Variants in TOMM40 observed in about 807,000 individuals in gnomAD.
TOMM40 encodes the protein mitochondrial import receptor subunit TOM40 homolog.
Under a neutral mutation model 38.4 loss-of-function variants are expected in TOMM40, and 9 were observed. The ratio of observed to expected loss-of-function variants is 0.23; its 90% CI spans 0.14 to 0.41. The LOEUF is 0.41. Ranked by LOEUF, TOMM40 falls within the 10% of genes least tolerant of loss-of-function variation. The pLI, the probability that TOMM40 is intolerant of heterozygous loss-of-function variation, is 1.00. For missense variants in TOMM40, 299 were observed against 486.5 expected (o/e 0.61, Z 3.63); for synonymous variants, 184 against 210.0 (o/e 0.88, Z 1.07).
intron 5 of TOMM40, 93 bp from the exon 6 acceptor site, chr19:44,900,637 C>T: frequency 6.2e-7 from 1 of 1,603,374 alleles, no homozygotes; most frequent in Non-Finnish European, 8.5e-7. Flanking sequence ...CAAGCCCAAG[C>T]CTCCAGCCGG....
At chr19:44,897,565 G>T (rs1969589562) in intron 5 of TOMM40, among the ~76,000 whole-genome samples, 1 of 152,032 alleles carries the variant, frequency 6.6e-6, no homozygotes, top group Non-Finnish European at 1.5e-5. Flanking sequence ...TGATTCTCCT[G>T]TCTCAGCCTC....
At chr19:44,899,212 T>C (rs1401664058) in intron 5 of TOMM40, among the ~76,000 whole-genome samples, 1 of 151,950 alleles carries the variant, frequency 6.6e-6, no homozygotes, top group East Asian at 1.9e-4. Flanking sequence ...AGTGGCGTGA[T>C]CATAGCTCAG....
Position 44,891,263 on chromosome 19 carries a change from G to A in TOMM40, c.-153G>A. On this transcript the variant is annotated 5_prime_UTR_variant, in exon 1 of 9. It adds an upstream start codon to the 5' untranslated region. Transcript: ENST00000426677. The stretch of plus-strand genomic sequence containing the variant: ...GCGGCGGCAGCGGGTTCGGTTGCGC[G>A]TGGCGCACGGGGTGGGAGCGGAGCC... 1 of 1,114,200 alleles carries A rather than the reference G, an allele frequency of 9.0e-7. No individual in the cohort carries two copies. The highest frequency in any genetic ancestry group is 1.1e-6 in the Non-Finnish European group (1 of 888,494). The allele number at this position is 1,114,200 out of a possible 1,614,324, so 69.0% of individuals were successfully genotyped here. A position where few individuals can be genotyped will look rare whatever the true frequency, so the allele number is the denominator to read the frequency against.
At chr19:44,893,706 T>G in intron 3 of TOMM40, 74 bp from the exon 4 acceptor site, 4 of 1,297,208 alleles carry the variant, frequency 3.1e-6, no homozygotes, top group Non-Finnish European at 3.2e-6. Context: ...GACCCTAGGC[T>G]TCTCACCCCG....
Position 44,903,270 on chromosome 19 carries a change from C to A in TOMM40, c.*101C>A, listed in dbSNP as rs1350543687. 1.6e-6 allele frequency: 2 copies of A among 1,275,102 alleles called. No individual in the cohort carries two copies. Among genetic ancestry groups the A allele is most frequent in the East Asian group, 2.6e-5 (1 of 38,338 alleles). 79.0% of individuals were successfully genotyped at this position (1,275,102 alleles called of 1,614,324 possible). A position where few individuals can be genotyped will look rare whatever the true frequency, so the allele number is the denominator to read the frequency against. ...CCTGAGCCCCCCTCCCTTCCCTCCC[C>A]CCTTGGGGGTCGGGGGGGACATTGG... On this transcript the variant is annotated 3_prime_UTR_variant, in exon 9 of 9. Transcript: ENST00000426677.
intron 8 of TOMM40, 23 bp from the exon 9 acceptor site, chr19:44,903,007 C>G: frequency 6.2e-7 from 1 of 1,607,596 alleles, no homozygotes; most frequent in South Asian, 1.1e-5. Flanking sequence ...TGGCACGCCT[C>G]TCACCTCAGC....
At position 44,901,334 on chromosome 19, in the gene TOMM40, C is replaced by T. The variant is rs117163741; in HGVS notation, c.946+24C>T. 57 of 1,605,154 alleles carry T rather than the reference C, an allele frequency of 3.6e-5. No homozygotes were observed. The African/African-American group carries it at 4.3e-4, about 12-fold the overall frequency. ...AGGTAAAGGTCTCGGTTCCCCTACGCGGGAAACAGGCAGGAGGTGACTCAA... is the reference window on the plus strand; with the variant it reads ...AGGTAAAGGTCTCGGTTCCCCTACGTGGGAAACAGGCAGGAGGTGACTCAA... On this transcript the variant is annotated intron_variant, in intron 8 of 8. Transcript: ENST00000426677.
At chr19:44,894,122 G>A (rs1227168746) in intron 5 of TOMM40, 56 bp downstream of exon 5, 4 of 1,340,990 alleles carry the variant, frequency 3.0e-6, no homozygotes, top group Non-Finnish European at 4.0e-6. Context: ...GGCTTTGCCA[G>A]CAAATCCACC....
At chr19:44,900,901 T>G (rs1465109914) in intron 6 of TOMM40, 49 bp downstream of exon 6, 7 of 1,608,032 alleles carry the variant, frequency 4.4e-6, no homozygotes, top group South Asian at 1.1e-5. Context: ...GCCCCTGGAC[T>G]CCTCCTGGGT....
In TOMM40 at chr19:44,891,277, G is replaced by A. The variant is rs1969454430; in HGVS notation, c.-139G>A. The A allele has an allele frequency of 3.5e-6, 4 of 1,156,204 alleles. No individual in the cohort carries two copies. Among genetic ancestry groups the A allele is most frequent in the Non-Finnish European group, 3.2e-6 (3 of 926,294 alleles). The allele number at this position is 1,156,204 out of a possible 1,614,324, so 71.6% of individuals were successfully genotyped here. A position where few individuals can be genotyped will look rare whatever the true frequency, so the allele number is the denominator to read the frequency against. ...TTCGGTTGCGCGTGGCGCACGGGGT[G>A]GGAGCGGAGCCCAGGCCGGGAGCAG... On this transcript the variant is annotated 5_prime_UTR_variant, in exon 1 of 9. Coordinates refer to ENST00000426677, the MANE Select transcript of TOMM40 (RefSeq NM_001128917.2).
chr19:44,892,993 A>G, intron 3 of TOMM40, 64 bp downstream of exon 3: 1 of 1,400,558 alleles, frequency 7.1e-7, no homozygotes, highest in Non-Finnish European at 9.9e-7. Context: ...CCAAATGTCA[A>G]GCTAAGACGG....
In TOMM40 at chr19:44,893,947, C is replaced by T. The variant is rs541036852; in HGVS notation, c.538-14C>T. The T allele has an allele frequency of 6.3e-6, 10 of 1,590,814 alleles. No individual in the cohort carries two copies. The highest frequency in any genetic ancestry group is 1.7e-5 in the Admixed American group (1 of 58,352). The stretch of plus-strand genomic sequence containing the variant: ...TGAGCAGGGAGCCGCCCTCACACCC[C>T]CTCCTCTCCACAGACCCAGCAGTCG... On this transcript the variant is annotated splice_polypyrimidine_tract_variant and intron_variant, in intron 4 of 8. Coordinates refer to ENST00000426677, the MANE Select transcript of TOMM40 (RefSeq NM_001128917.2).
chr19:44,898,967 C>T (rs952824887), intron 5 of TOMM40, among the ~76,000 whole-genome samples: 5 of 151,448 alleles, frequency 3.3e-5, no homozygotes, highest in East Asian at 4.1e-4. Flanking sequence ...CCCTTCTCTA[C>T]TAAAAATACA....
At position 44,899,791 on chromosome 19, in the gene TOMM40, C is replaced by CTTTTTTT. The variant is rs10524523; in HGVS notation, c.644-910_644-904dup. ...TACTGGCATGAGCCATTGCATCTGG[C>CTTTTTTT]TTTTTTTTTTTTTTTTTTTTTTTTT... On this transcript the variant is annotated intron_variant, in intron 5 of 8. Transcript: ENST00000426677. 1.6e-3 allele frequency among the ~76,000 whole-genome samples: 143 copies of CTTTTTTT among 90,912 alleles called. 11 individuals carry two copies. The highest frequency in any genetic ancestry group is 2.3e-3 in the Non-Finnish European group (103 of 44,928). The allele number at this position is 90,912 out of a possible 152,430, so 59.6% of individuals were successfully genotyped here. A position where few individuals can be genotyped will look rare whatever the true frequency, so the allele number is the denominator to read the frequency against.
intron 5 of TOMM40, 66 bp from the exon 6 acceptor site, chr19:44,900,664 T>C: frequency 1.2e-6 from 2 of 1,610,350 alleles, no homozygotes; most frequent in Non-Finnish European, 1.7e-6. Flanking sequence ...CCTAGAGGGC[T>C]TCCTGGAGGT....
chr19:44,903,281 C>CA lies in TOMM40; in HGVS notation c.*112_*113insA, dbSNP rs1969718462. On this transcript the variant is annotated 3_prime_UTR_variant, in exon 9 of 9. Transcript: ENST00000426677. ...CTCCCTTCCCTCCCCCCTTGGGGGTCGGGGGGGACATTGGAAAGGAGGGAC... is the reference window on the plus strand; with the variant it reads ...CTCCCTTCCCTCCCCCCTTGGGGGTCAGGGGGGGACATTGGAAAGGAGGGAC... 10 of 1,091,126 alleles carry CA rather than the reference C, an allele frequency of 9.2e-6. No homozygotes were observed. The highest frequency in any genetic ancestry group is 5.1e-5 in the South Asian group (3 of 58,958). The allele number at this position is 1,091,126 out of a possible 1,614,324, so 67.6% of individuals were successfully genotyped here.
intron 6 of TOMM40, 59 bp downstream of exon 6, chr19:44,900,911 T>G: frequency 6.2e-7 from 1 of 1,608,168 alleles, no homozygotes; most frequent in Non-Finnish European, 8.5e-7. Context: ...TCCTCCTGGG[T>G]CTGAGGGAGG....
intron 5 of TOMM40, among the ~76,000 whole-genome samples, chr19:44,896,690 C>T (rs1359054222): frequency 6.6e-6 from 1 of 152,160 alleles, no homozygotes; most frequent in East Asian, 1.9e-4. Flanking sequence ...CTGCTTCACT[C>T]TGAGCACCTC....
rs959913440 is a variant in TOMM40 at position 44,902,966 on chromosome 19, C to A, written c.947-64C>A. On this transcript the variant is annotated intron_variant, in intron 8 of 8. Coordinates refer to ENST00000426677, the MANE Select transcript of TOMM40 (RefSeq NM_001128917.2). The stretch of plus-strand genomic sequence containing the variant: ...GGCATGTGGCTGGTATCCAAGGTGG[C>A]CAGGAACTCTGCATGGATATGGTGG... 6 of 1,566,480 alleles carry A rather than the reference C, an allele frequency of 3.8e-6. No individual in the cohort carries two copies. In the Admixed American group the frequency reaches 9.2e-5, roughly 24 times the overall value.
Sources: gnomAD v4.1 joint callset for allele counts (sites outside exome capture counted in the v4.1 genomes callset) on GRCh38, gnomAD v4.1.1 for gene constraint, MANE v1.5 for transcripts, NCBI Gene and HGNC (gene_info 2026-07-23, HGNC 2026-07-21) for gene names.